The following ESR1 variants were observed in gnomAD, a reference collection of about 807,000 sequenced individuals.
The protein encoded by ESR1 is estrogen receptor 1.
In ESR1, 12 loss-of-function variants were observed where a neutral mutation model predicts 52.7. The ratio of observed to expected loss-of-function variants is 0.23; its 90% confidence interval spans 0.15 to 0.37. The LOEUF is 0.37. Ranked by LOEUF, ESR1 falls within the 10% of genes least tolerant of loss-of-function variation. The probability of loss-of-function intolerance (pLI) is 1.00; values close to 1 mark genes in which losing one functional copy is unlikely to be tolerated. For missense variants in ESR1, 584 were observed against 779.7 expected (o/e 0.75, Z 2.99); for synonymous variants, 305 against 316.8 (o/e 0.96, Z 0.39).
chr6:151,889,022 G>C (rs182485131), intron 3 of ESR1, among the ~76,000 whole-genome samples: 8 of 152,212 alleles, frequency 5.3e-5, no homozygotes, highest in African/African-American at 1.7e-4. Context: ...AATCCCACTC[G>C]ATCATGGTGA....
At chr6:151,965,833 A>G (rs976102676) in intron 4 of ESR1, among the ~76,000 whole-genome samples, 4 of 123,962 alleles carry the variant, frequency 3.2e-5, no homozygotes, top group African/African-American at 1.2e-4. Context: ...AAGGTTTATA[A>G]TAGCTACTGT....
chr6:152,127,708 G>T (rs1302629131), exon 7 of ESR1: 2 of 152,100 alleles, frequency 1.3e-5, no homozygotes, highest in Non-Finnish European at 2.9e-5. Flanking sequence ...GAGGGGAGAG[G>T]CTCTGTGCTG....
rs1231502814 is a variant in ESR1 at position 152,098,144 on chromosome 6, G to A, written c.1554-588G>A. Reference sequence around the variant, plus strand: ...GCAGCACAAAAATCAGTGTGGCTCCGGAGAGCACATTAGGGGAGAGAGGCA... The same window carrying A: ...GCAGCACAAAAATCAGTGTGGCTCCAGAGAGCACATTAGGGGAGAGAGGCA... On this transcript the variant is annotated intron_variant, in intron 7 of 7. Transcript: ENST00000206249. The surrounding 1 kb of genome is among the most constrained non-coding windows in gnomAD (Gnocchi z 5.1). Among the ~76,000 whole-genome samples, 7 of 152,136 alleles carry A rather than the reference G, an allele frequency of 4.6e-5. No homozygotes were observed. Among genetic ancestry groups the A allele is most frequent in the Non-Finnish European group, 7.3e-5 (5 of 68,034 alleles).
chr6:151,827,073 C>T (rs1781623328), intron 1 of ESR1, among the ~76,000 whole-genome samples: 1 of 152,044 alleles, frequency 6.6e-6, no homozygotes, highest in Admixed American at 6.5e-5. Context: ...CCTGTAATCC[C>T]AGCACTTTGG....
chr6:152,065,479 A>G (rs1016552901), intron 6 of ESR1, among the ~76,000 whole-genome samples: 1 of 152,134 alleles, frequency 6.6e-6, no homozygotes, highest in Non-Finnish European at 1.5e-5. Context: ...GTAAAAACCT[A>G]TACTCTCTAA....
chr6:151,672,024 G>T (rs1778080751), intron 1 of ESR1, among the ~76,000 whole-genome samples: 1 of 152,030 alleles, frequency 6.6e-6, no homozygotes, highest in Non-Finnish European at 1.5e-5. Context: ...ATAAAGACAG[G>T]TTCTCCCTAT....
At chr6:151,841,374 C>T (rs1408340497) in intron 1 of ESR1, among the ~76,000 whole-genome samples, 1 of 152,168 alleles carries the variant, frequency 6.6e-6, no homozygotes, top group Non-Finnish European at 1.5e-5. Context: ...TGTGCCTGTA[C>T]CTGTCTAAGG....
chr6:151,680,202 CTCTT>C (rs909852855), intron 1 of ESR1, among the ~76,000 whole-genome samples: 1 of 124,578 alleles, frequency 8.0e-6, no homozygotes, highest in African/African-American at 3.0e-5. Flanking sequence ...TTTTTCTTTT[CTCTT>C]TTTTTTTTTT....
intron 6 of ESR1, among the ~76,000 whole-genome samples, chr6:152,114,577 C>T (rs1013993957): frequency 3.9e-5 from 6 of 152,034 alleles, no homozygotes; most frequent in Admixed American, 1.3e-4. Flanking sequence ...TCGGGCATAC[C>T]AAGAAAAGTT....
intron 4 of ESR1, among the ~76,000 whole-genome samples, 185 bp downstream of exon 4, chr6:151,944,693 A>G (rs2035499520): frequency 1.3e-5 from 2 of 152,198 alleles, no homozygotes; most frequent in Admixed American, 1.3e-4. Context: ...AGGAAATAAT[A>G]TTTTTAAATC....
At chr6:151,657,439 C>T (rs528680844) in intron 1 of ESR1, among the ~76,000 whole-genome samples, 1 of 152,172 alleles carries the variant, frequency 6.6e-6, no homozygotes, top group South Asian at 2.1e-4. Flanking sequence ...TCACACTTTG[C>T]ATAATTTTCT....
intron 3 of ESR1, among the ~76,000 whole-genome samples, chr6:151,882,355 A>G (rs1239806528): frequency 6.6e-6 from 1 of 152,228 alleles, no homozygotes; most frequent in East Asian, 1.9e-4. Context: ...ATGACTATAC[A>G]TCTTGAACAT....
intron 2 of ESR1, among the ~76,000 whole-genome samples, chr6:151,860,437 C>T (rs1190338620): frequency 1.7e-4 from 26 of 151,902 alleles, no homozygotes; most frequent in Admixed American, 1.7e-3. Context: ...TATTCCATGC[C>T]TGAAATTGTG....
At chr6:152,096,799 A>G (rs2050648258) in intron 7 of ESR1, 3 of 376,056 alleles carry the variant, frequency 8.0e-6, no homozygotes, top group South Asian at 2.0e-5. Flanking sequence ...CCATGAGTGG[A>G]TTAGATGCCA....
intron 5 of ESR1, among the ~76,000 whole-genome samples, chr6:152,057,682 C>T (rs1177697825): frequency 1.6e-5 from 2 of 122,194 alleles, no homozygotes; most frequent in African/African-American, 8.0e-5. Flanking sequence ...CCTAAAGGAA[C>T]ATACACATGC....
intron 2 of ESR1, among the ~76,000 whole-genome samples, chr6:151,740,151 C>T (rs1159172534): frequency 6.6e-6 from 1 of 151,906 alleles, no homozygotes; most frequent in Non-Finnish European, 1.5e-5. Flanking sequence ...GTCTTACTAG[C>T]TCTGTCACCC....
intron 5 of ESR1, among the ~76,000 whole-genome samples, chr6:152,042,296 C>G (rs1178131351): frequency 1.3e-5 from 2 of 152,178 alleles, no homozygotes; most frequent in Admixed American, 1.3e-4. Context: ...CAGGATGAGT[C>G]TGGGACCCAC....
intron 2 of ESR1, among the ~76,000 whole-genome samples, chr6:151,880,016 C>T (rs1305332961): frequency 1.3e-5 from 2 of 152,106 alleles, no homozygotes; most frequent in South Asian, 2.1e-4. Flanking sequence ...TAAAACCAAA[C>T]CAAACCAAAC....
chr6:152,036,788 G>A (rs767274038), intron 5 of ESR1, among the ~76,000 whole-genome samples: 4 of 152,220 alleles, frequency 2.6e-5, no homozygotes, highest in African/African-American at 9.7e-5. Flanking sequence ...TCAATAAAGT[G>A]TGGATGGAAG....
Sources: allele counts gnomAD v4.1 joint callset (sites outside exome capture counted in the v4.1 genomes callset), GRCh38; gene constraint gnomAD v4.1.1; non-coding constraint Gnocchi (gnomAD v3.1); transcripts MANE v1.5; gene names NCBI Gene and HGNC (gene_info 2026-07-23, HGNC 2026-07-21).